The following ANKRD36C variants were observed in gnomAD, a reference collection of about 807,000 sequenced individuals.
ANKRD36C encodes the protein ankyrin repeat domain 36C, also known as ankyrin repeat domain-containing protein 36C.
Under a neutral mutation model 276.4 loss-of-function variants are expected in ANKRD36C, and 61 were observed. The observed-to-expected ratio is 0.22, with a 90% CI of 0.18 to 0.27. The LOEUF is 0.27. Among genes scored for constraint, ANKRD36C ranks in the 10% least tolerant of loss-of-function variants. The pLI, the probability that ANKRD36C is intolerant of heterozygous loss-of-function variation, is 1.00. For synonymous variants in ANKRD36C, 483 were observed against 680.1 expected (o/e 0.71, Z 4.51); for missense variants, 1,447 against 2,032.3 (o/e 0.71, Z 5.54).
intron 58 of ANKRD36C, among the ~76,000 whole-genome samples, chr2:95,878,128 G>A (rs1171054392): frequency 6.8e-6 from 1 of 147,884 alleles, no homozygotes; most frequent in Non-Finnish European, 1.5e-5. Flanking sequence ...AGGTTGCAGT[G>A]AGCCGAGATT....
chr2:95,853,884 A>G (rs770173822), intron 63 of ANKRD36C, 23 bp from the exon 84 acceptor site: 1 of 1,593,910 alleles, frequency 6.3e-7, no homozygotes, highest in East Asian at 2.2e-5. Context: ...TATTTTTGTT[A>G]CTGATTTTAC....
exon 61 of ANKRD36C, chr2:95,860,047 T>C: frequency 6.5e-7 from 1 of 1,541,338 alleles, no homozygotes; most frequent in Admixed American, 2.0e-5. Context: ...ACAAAATGTC[T>C]TTTTAATTTT....
chr2:95,883,633 A>T (rs1400944539), intron 54 of ANKRD36C, among the ~76,000 whole-genome samples: 3 of 152,076 alleles, frequency 2.0e-5, no homozygotes, highest in Non-Finnish European at 4.4e-5. Context: ...TTGAATATGC[A>T]TCTGAACTCA....
rs192159223 is a variant in ANKRD36C at position 95,920,771 on chromosome 2, A to G, written c.2245+836T>C. 3.3e-3 allele frequency among the ~76,000 whole-genome samples: 486 copies of G among 149,084 alleles called. 5 individuals carry two copies. Among genetic ancestry groups the G allele is most frequent in the Admixed American group, 6.1e-3 (91 of 14,956 alleles). On this transcript the variant is annotated intron_variant, in intron 34 of 66. Transcript: ENST00000456556. Reference sequence around the variant, plus strand: ...TCAACATAATTTTTGTTTCTAAAACATGATACTTCTTGGGAGTATCATGTT... The same window carrying G: ...TCAACATAATTTTTGTTTCTAAAACGTGATACTTCTTGGGAGTATCATGTT...
chr2:95,923,366 A>G (rs748492598), intron 32 of ANKRD36C, 129 bp downstream of exon 32: 8 of 1,277,474 alleles, frequency 6.3e-6, no homozygotes, highest in East Asian at 2.5e-5. Context: ...ACTTATTACA[A>G]ATGAAGAATC....
rs1374634528 is a variant in ANKRD36C at position 95,925,503 on chromosome 2, A to G, written c.1968+16T>C. 1 of 1,549,238 alleles carries G rather than the reference A, an allele frequency of 6.5e-7. No individual in the cohort carries two copies. Among genetic ancestry groups the G allele is most frequent in the Non-Finnish European group, 8.7e-7 (1 of 1,146,376 alleles). Reference sequence around the variant, plus strand: ...ATGTAATAAATAATTCAAAATATAAATGAAAGAGTAACTACCTTCCAGGCT... The same window carrying G: ...ATGTAATAAATAATTCAAAATATAAGTGAAAGAGTAACTACCTTCCAGGCT... On this transcript the variant is annotated intron_variant, in intron 29 of 66. Transcript: ENST00000456556.
At chr2:95,858,403 C>CATGT (rs1675476176) in intron 61 of ANKRD36C, among the ~76,000 whole-genome samples, 1 of 152,104 alleles carries the variant, frequency 6.6e-6, no homozygotes, top group South Asian at 2.1e-4. Context: ...ATCCAAAGGG[C>CATGT]ATGTATAAGT....
chr2:95,879,633 A>C (rs1426295998), intron 58 of ANKRD36C, among the ~76,000 whole-genome samples: 3 of 152,216 alleles, frequency 2.0e-5, no homozygotes, highest in Non-Finnish European at 4.4e-5. Context: ...ACAGTGTGCT[A>C]ATCAGAACAT....
intron 58 of ANKRD36C, among the ~76,000 whole-genome samples, chr2:95,878,945 A>G (rs905002519): frequency 6.6e-6 from 1 of 152,226 alleles, no homozygotes; most frequent in Non-Finnish European, 1.5e-5. Context: ...TGATCCAGCA[A>G]TCCCATTGCT....
chr2:95,910,884 C>A (rs193302462), intron 42 of ANKRD36C, among the ~76,000 whole-genome samples: 1 of 151,452 alleles, frequency 6.6e-6, no homozygotes, highest in Non-Finnish European at 1.5e-5. Flanking sequence ...ATCAGAAGAG[C>A]AACTCAGACA....
intron 10 of ANKRD36C, among the ~76,000 whole-genome samples, chr2:95,959,665 AT>A (rs1678410203): frequency 6.6e-6 from 1 of 152,182 alleles, no homozygotes; most frequent in South Asian, 2.1e-4. Context: ...GGATCATGTC[AT>A]TCTCTAAAGT....
At chr2:95,919,327 A>G (rs1227352222) in intron 34 of ANKRD36C, among the ~76,000 whole-genome samples, 6 of 133,224 alleles carry the variant, frequency 4.5e-5, no homozygotes, top group East Asian at 2.7e-4. Context: ...CAGTGTCTAT[A>G]GGTTATTAAT....
chr2:95,914,276 T>G, exon 39 of ANKRD36C: 1 of 1,551,044 alleles, frequency 6.4e-7, no homozygotes, highest in Non-Finnish European at 8.7e-7. Context: ...TTTCATTACC[T>G]TCAAGCCTGC....
exon 62 of ANKRD36C, chr2:95,857,428 C>T: frequency 1.9e-6 from 3 of 1,606,842 alleles, no homozygotes; most frequent in Non-Finnish European, 2.5e-6. Flanking sequence ...CTTAACTTTT[C>T]CCTAACTTTT....
downstream of ANKRD36C, chr2:95,848,981 T>C (rs905421062): frequency 6.4e-5 from 26 of 408,252 alleles, no homozygotes; most frequent in Middle Eastern, 3.5e-4. Context: ...ACACATTTAA[T>C]GGGAAACAAA....
At chr2:95,896,870 T>A (rs1676565961) in intron 44 of ANKRD36C, among the ~76,000 whole-genome samples, 1 of 149,604 alleles carries the variant, frequency 6.7e-6, no homozygotes. Context: ...CTCCTAACAG[T>A]GTCTACGGGT....
chr2:95,855,738 G>A (rs201100797), exon 63 of ANKRD36C: 1 of 1,613,606 alleles, frequency 6.2e-7, no homozygotes, highest in Admixed American at 1.7e-5. Context: ...CAGAACATGA[G>A]AATTCAAATT....
intron 59 of ANKRD36C, among the ~76,000 whole-genome samples, chr2:95,871,048 C>T (rs1379214389): frequency 6.6e-6 from 1 of 152,098 alleles, no homozygotes; most frequent in Non-Finnish European, 1.5e-5. Context: ...GATTGGTGTA[C>T]CTGAAAGTCA....
intron 17 of ANKRD36C, among the ~76,000 whole-genome samples, chr2:95,946,645 C>T (rs201930353): frequency 0.021 from 1,988 of 95,494 alleles, no homozygotes; most frequent in South Asian, 0.026. Flanking sequence ...ATAGCAAAGA[C>T]TTGGAACCAA....
Sources: gnomAD v4.1 joint callset for allele counts (sites outside exome capture counted in the v4.1 genomes callset) on GRCh38, gnomAD v4.1.1 for gene constraint, MANE v1.5 for transcripts, NCBI Gene and HGNC (gene_info 2026-07-23, HGNC 2026-07-21) for gene names.